The following SERPINB5 variants were observed in gnomAD, a reference collection of about 807,000 sequenced individuals.
The protein encoded by SERPINB5 is serpin B5.
Under a neutral mutation model 32.2 loss-of-function variants are expected in SERPINB5, and 27 were observed. The ratio of observed to expected loss-of-function variants is 0.84; its 90% CI spans 0.62 to 1.16. The LOEUF (loss-of-function observed/expected upper bound fraction) is 1.16. Among genes scored for constraint, SERPINB5 ranks in the 50% most tolerant of loss-of-function variants. The pLI is 0.00. For synonymous variants in SERPINB5, 154 were observed against 157.4 expected (o/e 0.98, Z 0.16); for missense variants, 388 against 436.3 (o/e 0.89, Z 0.99).
At chr18:63,493,293 T>C (rs2144503284) in intron 5 of SERPINB5, 198 bp downstream of exon 5, 3 of 678,790 alleles carry the variant, frequency 4.4e-6, no homozygotes, top group Non-Finnish European at 7.7e-6. Context: ...CTCTTTTCCA[T>C]AATGTCTTCA....
chr18:63,492,883 A>G, intron 4 of SERPINB5, 70 bp from the exon 5 acceptor site: 1 of 1,544,838 alleles, frequency 6.5e-7, no homozygotes, highest in African/African-American at 1.4e-5. Flanking sequence ...CTCAGTGAAT[A>G]TGCATGTGAA....
intron 1 of SERPINB5, among the ~76,000 whole-genome samples, chr18:63,482,988 C>T (rs8093725): frequency 0.54 from 81,502 of 151,800 alleles, 23,098 homozygotes; most frequent in Non-Finnish European, 0.65. Flanking sequence ...TGGAAAACTC[C>T]GCTGTCTATT....
Position 63,503,682 on chromosome 18 carries a change from C to T in SERPINB5, c.1088C>T (p.Thr363Ile). 1 of 1,614,194 alleles carries T rather than the reference C, an allele frequency of 6.2e-7. No homozygotes were observed. Among genetic ancestry groups the T allele is most frequent in the Non-Finnish European group, 8.5e-7 (1 of 1,180,032 alleles). Residue 363 changes from threonine to isoleucine, a missense_variant, in exon 7 of 7, where the codon ACT becomes ATT. Coordinates refer to ENST00000382771, the MANE Select transcript of SERPINB5 (RefSeq NM_002639.5). ...PFIYIIRHNK[T>I]RNIIFFGKFC... ...ATTTACATCATCAGGCACAACAAAACTCGAAACATTATTTTCTTTGGCAAA... is the reference window on the plus strand; with the variant it reads ...ATTTACATCATCAGGCACAACAAAATTCGAAACATTATTTTCTTTGGCAAA...
intron 5 of SERPINB5, 31 bp downstream of exon 5, chr18:63,493,126 A>G: frequency 1.9e-6 from 3 of 1,613,914 alleles, no homozygotes; most frequent in East Asian, 2.2e-5. Context: ...CAGTAAAAGG[A>G]GCCCAATTAT....
At chr18:63,497,315 C>T (rs1909468354) in intron 5 of SERPINB5, 8 of 1,275,286 alleles carry the variant, frequency 6.3e-6, no homozygotes, top group South Asian at 1.2e-5. Flanking sequence ...CAGCTCTTCT[C>T]CTATGCGATT....
chr18:63,495,121 C>T (rs1386984771), intron 5 of SERPINB5, among the ~76,000 whole-genome samples: 1 of 152,194 alleles, frequency 6.6e-6, no homozygotes, highest in Admixed American at 6.5e-5. Context: ...CTCCTAACTT[C>T]CTGAGTTTAG....
In SERPINB5 at chr18:63,503,360, T is replaced by C; in HGVS notation, c.766T>C (p.Ser256Pro). The C allele has an allele frequency of 6.2e-7, 1 of 1,614,054 alleles. No homozygotes were observed. Among genetic ancestry groups the C allele is most frequent in the Non-Finnish European group, 8.5e-7 (1 of 1,179,998 alleles). Residue 256 changes from serine to proline, a missense_variant, in exon 7 of 7, where the codon TCA becomes CCA. By Grantham distance (74) the Ser-to-Pro change is moderately conservative. Coordinates refer to ENST00000382771, the MANE Select transcript of SERPINB5 (RefSeq NM_002639.5). ...AAAACAACTCAACTCAGAGTCACTG[T>C]CACAGTGGACTAATCCCAGCACCAT... ...IEKQLNSESL[S>P]QWTNPSTMAN...
intron 1 of SERPINB5, among the ~76,000 whole-genome samples, chr18:63,481,689 A>G (rs1917129621): frequency 1.3e-5 from 2 of 152,242 alleles, no homozygotes; most frequent in African/African-American, 4.8e-5. Context: ...CAGGTTTCCT[A>G]TTCTGAAAGT....
intron 4 of SERPINB5, among the ~76,000 whole-genome samples, chr18:63,490,062 G>A (rs1020883640): frequency 6.6e-6 from 1 of 152,094 alleles, no homozygotes; most frequent in African/African-American, 2.4e-5. Context: ...CGTGGTGGCG[G>A]GCGCCTGTAG....
At chr18:63,483,292 C>T (rs761649811) in intron 1 of SERPINB5, among the ~76,000 whole-genome samples, 18 of 152,158 alleles carry the variant, frequency 1.2e-4, no homozygotes, top group Non-Finnish European at 2.1e-4. Context: ...GCATATCTGC[C>T]CAAAGAGACT....
Position 63,499,705 on chromosome 18 carries a change from A to G in SERPINB5, c.735+418A>G, listed in dbSNP as rs377704248. Among the ~76,000 whole-genome samples, 12 of 152,282 alleles carry G rather than the reference A, an allele frequency of 7.9e-5. No individual in the cohort carries two copies. The East Asian group carries it at 1.4e-3, about 17-fold the overall frequency. ...GGAGCCAGGTTCTTAACTGAAGGCTAGAGTGTCTCCCTCACCTCCTAGGCA... is the reference window on the plus strand; with the variant it reads ...GGAGCCAGGTTCTTAACTGAAGGCTGGAGTGTCTCCCTCACCTCCTAGGCA... On this transcript the variant is annotated intron_variant, in intron 6 of 6. Transcript: ENST00000382771.
chr18:63,498,834 A>G lies in SERPINB5; in HGVS notation c.568-286A>G, dbSNP rs1016850600. 5.7e-5 allele frequency among the ~76,000 whole-genome samples: 8 copies of G among 140,464 alleles called. No individual in the cohort carries two copies. The highest frequency in any genetic ancestry group is 1.1e-4 in the Non-Finnish European group (7 of 64,056). The allele number at this position is 140,464 out of a possible 152,430, so 92.1% of individuals were successfully genotyped here. ...ATGTGTGTATATATGTATGGGGTAT[A>G]TATATATAGTATGTATATATAAGTG... On this transcript the variant is annotated intron_variant, in intron 5 of 6. Coordinates refer to ENST00000382771, the MANE Select transcript of SERPINB5 (RefSeq NM_002639.5). This position sits in a 1 kb window ranked among gnomAD's most constrained non-coding sequence, Gnocchi z 4.2.
intron 3 of SERPINB5, among the ~76,000 whole-genome samples, chr18:63,488,278 A>C (rs1194858824): frequency 2.6e-5 from 4 of 152,212 alleles, no homozygotes; most frequent in Non-Finnish European, 5.9e-5. Flanking sequence ...TGCTCTGAAG[A>C]AATTCAAGAA....
At chr18:63,493,133 T>C in intron 5 of SERPINB5, 38 bp downstream of exon 5, 1 of 1,613,538 alleles carries the variant, frequency 6.2e-7, no homozygotes, top group Non-Finnish European at 8.5e-7. Context: ...AGGAGCCCAA[T>C]TATAGATGTG....
intron 4 of SERPINB5, 105 bp from the exon 5 acceptor site, chr18:63,492,848 G>A (rs2144502809): frequency 7.2e-7 from 1 of 1,396,414 alleles, no homozygotes; most frequent in Middle Eastern, 1.9e-4. Context: ...GCCTTACATG[G>A]TGTGACTCCA....
chr18:63,502,398 G>C (rs1267763845), intron 6 of SERPINB5, among the ~76,000 whole-genome samples: 1 of 152,014 alleles, frequency 6.6e-6, no homozygotes, highest in African/African-American at 2.4e-5. Context: ...GCTTCCCAAA[G>C]TGCTGGGATT....
intron 4 of SERPINB5, among the ~76,000 whole-genome samples, chr18:63,491,518 A>C (rs1174742788): frequency 1.4e-5 from 2 of 145,176 alleles, no homozygotes; most frequent in African/African-American, 5.3e-5. Context: ...TCTGTCGCCC[A>C]GGCTGGAGTG....
chr18:63,499,021 ATGTG>A (rs1357148734), intron 5 of SERPINB5, 95 bp from the exon 6 acceptor site: 1 of 483,582 alleles, frequency 2.1e-6, no homozygotes, highest in Non-Finnish European at 3.2e-6. Context: ...GTGGGTATAT[ATGTG>A]TGTGTGTGTG....
In SERPINB5 at chr18:63,498,856, A is replaced by T. The variant is rs1909506247; in HGVS notation, c.568-264A>T. Among the ~76,000 whole-genome samples, 2 of 149,428 alleles carry T rather than the reference A, an allele frequency of 1.3e-5. No homozygotes were observed. The highest frequency in any genetic ancestry group is 1.5e-5 in the Non-Finnish European group (1 of 67,508). On this transcript the variant is annotated intron_variant, in intron 5 of 6. Transcript: ENST00000382771. This position sits in a 1 kb window ranked among gnomAD's most constrained non-coding sequence, Gnocchi z 4.2. ...TATATATATATAGTATGTATATATA[A>T]GTGTGTATATATAGGTGTGTGTATA...
Sources: gnomAD v4.1 joint callset for allele counts (sites outside exome capture counted in the v4.1 genomes callset) on GRCh38, gnomAD v4.1.1 for gene constraint, Gnocchi (gnomAD v3.1) non-coding constraint, MANE v1.5 for transcripts, NCBI Gene and HGNC (gene_info 2026-07-23, HGNC 2026-07-21) for gene names.